The following TAGAP variants were observed in gnomAD, a reference collection of about 807,000 sequenced individuals.
The protein encoded by TAGAP is T-cell activation Rho GTPase-activating protein.
A neutral mutation model predicts 36.0 loss-of-function variants in TAGAP; 16 were observed. That is an observed-to-expected ratio of 0.44 (90% CI 0.30 to 0.68). The LOEUF is 0.68. TAGAP is among the 30% of genes least tolerant of loss of function. The pLI is 0.09. For synonymous variants in TAGAP, 372 were observed against 377.4 expected (o/e 0.99, Z 0.17); for missense variants, 794 against 921.5 (o/e 0.86, Z 1.79).
intron 4 of TAGAP, chr6:159,043,085 T>G (rs1229147382): frequency 1.9e-5 from 3 of 154,064 alleles, no homozygotes; most frequent in Non-Finnish European, 4.3e-5. Flanking sequence ...CATTTCAGAT[T>G]GGCAAGTGGA....
At chr6:159,042,305 C>A in intron 4 of TAGAP, 61 bp from the exon 5 acceptor site, 3 of 1,555,136 alleles carry the variant, frequency 1.9e-6, no homozygotes, top group Non-Finnish European at 2.6e-6. Flanking sequence ...AAGCAAAGAT[C>A]CAGGTAAGAA....
rs758985082 is a variant in TAGAP, at chr6:159,036,860, A to C, written c.1163T>G (p.Leu388Arg). The C allele has an allele frequency of 6.2e-7, 1 of 1,614,130 alleles. No individual in the cohort carries two copies. Among genetic ancestry groups the C allele is most frequent in the South Asian group, 1.1e-5 (1 of 91,078 alleles). The change falls in exon 10 of 10, where the codon CTC becomes CGC. Residue 388 changes from leucine to arginine, a missense_variant. Physicochemically the swap from Leu to Arg is moderately radical, Grantham distance 102 (BLOSUM62 -2). Coordinates refer to ENST00000367066, the MANE Select transcript of TAGAP (RefSeq NM_054114.5). This position sits in a 1 kb window ranked among gnomAD's most constrained non-coding sequence, Gnocchi z 4.9. ...TGTTTGGTTTGTCACCCGGCTCTCGAGGCACTCCTGGGAGGATGGCATGCT... is the reference window on the plus strand; with the variant it reads ...TGTTTGGTTTGTCACCCGGCTCTCGCGGCACTCCTGGGAGGATGGCATGCT... Reference protein sequence around the residue: ...EPSMPSSQECLESRVTNQTLT... With the variant: ...EPSMPSSQECRESRVTNQTLT...
In TAGAP at chr6:159,035,234, C is replaced by T. The variant is rs4709266; in HGVS notation, c.*593G>A. ...GAAGTGTTTTTCATGATTTTTGCTACGGCCCCAGCTTTTACTGGAGTTTTT... is the reference window on the plus strand; with the variant it reads ...GAAGTGTTTTTCATGATTTTTGCTATGGCCCCAGCTTTTACTGGAGTTTTT... On this transcript the variant is annotated 3_prime_UTR_variant, in exon 10 of 10. Transcript: ENST00000367066. 23,151 of 152,302 alleles carry T rather than the reference C, an allele frequency of 0.15. 2,286 individuals carry two copies. Among genetic ancestry groups the T allele is most frequent in the East Asian group, 0.4 (2,101 of 5,308 alleles). The allele number at this position is 152,302 out of a possible 1,614,324, so 9.4% of individuals were successfully genotyped here.
rs144298648 is a variant in TAGAP, at chr6:159,041,450, G to A, written c.381C>T (p.Asn127=). The A allele has an allele frequency of 2.1e-4, 331 of 1,614,168 alleles. No individual in the cohort carries two copies. The highest frequency in any genetic ancestry group is 2.3e-4 in the Non-Finnish European group (271 of 1,180,024). ...STEGIFRRAA[N]EKARKELKEE... ...CCTTCAGCTCCTTACGGGCTTTCTCGTTGGCTGCTCTCCTGAATATCCCTT... is the reference window on the plus strand; with the variant it reads ...CCTTCAGCTCCTTACGGGCTTTCTCATTGGCTGCTCTCCTGAATATCCCTT... The change falls in exon 6 of 10, where the codon AAC becomes AAT. Residue 127 remains asparagine (N), a synonymous_variant. Transcript: ENST00000367066. This position sits in a 1 kb window ranked among gnomAD's most constrained non-coding sequence, Gnocchi z 4.1.
In TAGAP at chr6:159,036,919, G is replaced by A. The variant is rs143036639; in HGVS notation, c.1104C>T (p.Ser368=). Residue 368 remains serine, a synonymous_variant, in exon 10 of 10, where the codon TCC becomes TCT. Transcript: ENST00000367066. The surrounding 1 kb of genome is among the most constrained non-coding windows in gnomAD (Gnocchi z 4.9). ...IVSTVARLKS[S]LAQPDRRYSE... ...AGTATCTCCTATCGGGCTGTGCGAGGGAGCTTTTCAGCCTGGCCACGGTGC... is the reference window on the plus strand; with the variant it reads ...AGTATCTCCTATCGGGCTGTGCGAGAGAGCTTTTCAGCCTGGCCACGGTGC... 1.0e-4 allele frequency: 167 copies of A among 1,613,780 alleles called. No individual in the cohort carries two copies. The highest frequency in any genetic ancestry group is 2.3e-4 in the Admixed American group (14 of 60,008).
At chr6:159,040,350 A>G (rs1779701776) in intron 7 of TAGAP, among the ~76,000 whole-genome samples, 2 of 152,192 alleles carry the variant, frequency 1.3e-5, no homozygotes, top group African/African-American at 4.8e-5. Context: ...GACACCAGTC[A>G]GTGTAGCTTA....
intron 4 of TAGAP, among the ~76,000 whole-genome samples, chr6:159,043,283 GAC>G (rs1779820027): frequency 6.6e-6 from 1 of 152,220 alleles, no homozygotes; most frequent in Admixed American, 6.5e-5. Context: ...AAATGGAAAA[GAC>G]ACTGTGTGTT....
chr6:159,038,356 T>C, intron 8 of TAGAP, 128 bp from the exon 9 acceptor site: 7 of 583,756 alleles, frequency 1.2e-5, no homozygotes, highest in Non-Finnish European at 2.1e-5. Flanking sequence ...TTTATGTGTC[T>C]GAAAAGAGCA....
At chr6:159,043,362 C>G (rs923797388) in intron 4 of TAGAP, among the ~76,000 whole-genome samples, 1 of 152,218 alleles carries the variant, frequency 6.6e-6, no homozygotes, top group Non-Finnish European at 1.5e-5. Flanking sequence ...ATTAAAAACG[C>G]TTGGCAGAAC....
Position 159,040,713 on chromosome 6 carries a change from G to T in TAGAP, c.587+10C>A. On this transcript the variant is annotated intron_variant, in intron 7 of 9. Coordinates refer to ENST00000367066, the MANE Select transcript of TAGAP (RefSeq NM_054114.5). ...TGGCCTGGCAATGACCGATGACTTT[G>T]ATGACTTACTGTTTCAGGGCCTCGA... 6.2e-7 allele frequency: 1 copy of T among 1,611,214 alleles called. No individual in the cohort carries two copies. Among genetic ancestry groups the T allele is most frequent in the Admixed American group, 1.7e-5 (1 of 59,990 alleles).
rs964142051 is a variant in TAGAP at position 159,044,210 on chromosome 6, A to G, written c.-58-6T>C. The G allele has an allele frequency of 3.9e-5, 62 of 1,573,424 alleles. No individual in the cohort carries two copies. Among genetic ancestry groups the G allele is most frequent in the African/African-American group, 8.2e-5 (6 of 72,736 alleles). On this transcript the variant is annotated splice_polypyrimidine_tract_variant and splice_region_variant and intron_variant, in intron 1 of 9. Transcript: ENST00000367066. ...CCGTGTGGCTGTGCCTCTGTCTACAACGAATCACATGGAAAGGAGTTAGGA... is the reference window on the plus strand; with the variant it reads ...CCGTGTGGCTGTGCCTCTGTCTACAGCGAATCACATGGAAAGGAGTTAGGA...
chr6:159,041,846 C>CG lies in TAGAP; in HGVS notation c.315+231dup. On this transcript the variant is annotated intron_variant, in intron 5 of 9. Transcript: ENST00000367066. This position sits in a 1 kb window ranked among gnomAD's most constrained non-coding sequence, Gnocchi z 4.1. ...CCACTCTGTGAAGTCAGAGGAATGG[C>CG]GGGACCATAGCTCTGAGCTCATTGG... is the stretch of plus-strand genomic sequence containing the variant. 1 of 568,044 alleles carries CG rather than the reference C, an allele frequency of 1.8e-6. No individual in the cohort carries two copies. The highest frequency in any genetic ancestry group is 3.1e-6 in the Non-Finnish European group (1 of 327,410). 35.2% of individuals were successfully genotyped at this position (568,044 alleles called of 1,614,324 possible).
rs1475582290 is a variant in TAGAP, at chr6:159,038,578, C to T, written c.784-350G>A. ...TAATTTTTTCTATTTTTAGTGGAGACGGGGTTTTGTCATGTTGCCCAGGCT... is the reference window on the plus strand; with the variant it reads ...TAATTTTTTCTATTTTTAGTGGAGATGGGGTTTTGTCATGTTGCCCAGGCT... On this transcript the variant is annotated intron_variant, in intron 8 of 9. Transcript: ENST00000367066. 4.6e-5 allele frequency among the ~76,000 whole-genome samples: 7 copies of T among 151,772 alleles called. 1 individual carries two copies. Among genetic ancestry groups the T allele is most frequent in the East Asian group, 1.9e-4 (1 of 5,170 alleles).
At position 159,041,644 on chromosome 6, in the gene TAGAP, C is replaced by G. The variant is rs1026371703; in HGVS notation, c.316-129G>C. ...GTTGCTGTCAATGGCCTTCCTCAACCCTGCTATTTTTCTAAGAGGAGGCAA... is the reference window on the plus strand; with the variant it reads ...GTTGCTGTCAATGGCCTTCCTCAACGCTGCTATTTTTCTAAGAGGAGGCAA... On this transcript the variant is annotated intron_variant, in intron 5 of 9. Coordinates refer to ENST00000367066, the MANE Select transcript of TAGAP (RefSeq NM_054114.5). The surrounding 1 kb of genome is among the most constrained non-coding windows in gnomAD (Gnocchi z 4.1). The G allele has an allele frequency of 1.8e-6, 2 of 1,082,754 alleles. No homozygotes were observed. Among genetic ancestry groups the G allele is most frequent in the Non-Finnish European group, 2.5e-6 (2 of 788,876 alleles). 67.1% of individuals were successfully genotyped at this position (1,082,754 alleles called of 1,614,324 possible). A position where few individuals can be genotyped will look rare whatever the true frequency, so the allele number is the denominator to read the frequency against.
In TAGAP at chr6:159,036,954, G is replaced by T. The variant is rs764199475; in HGVS notation, c.1069C>A (p.Pro357Thr). ...AGCCTGGCCACGGTGCTCACAATGG[G>T]CTCTGGGCTGACCTCTCGGGCATCC... ...PQDAREVSPE[P>T]IVSTVARLKS... Residue 357 changes from proline to threonine, a missense_variant, in exon 10 of 10, where the codon CCC becomes ACC. Physicochemically the swap from Pro to Thr is conservative, Grantham distance 38 (BLOSUM62 -1). Transcript: ENST00000367066. The surrounding 1 kb of genome is among the most constrained non-coding windows in gnomAD (Gnocchi z 4.9). The T allele has an allele frequency of 1.2e-5, 19 of 1,613,754 alleles. No homozygotes were observed. Among genetic ancestry groups the T allele is most frequent in the Non-Finnish European group, 1.6e-5 (19 of 1,179,922 alleles).
Position 159,044,132 on chromosome 6 carries a change from G to C in TAGAP, c.15C>G (p.Ser5Arg). The C allele has an allele frequency of 6.2e-7, 1 of 1,613,756 alleles. No individual in the cohort carries two copies. The highest frequency in any genetic ancestry group is 8.5e-7 in the Non-Finnish European group (1 of 1,179,942). The stretch of plus-strand genomic sequence containing the variant: ...GAGGGGCACTCACAGCATTGTGGCT[G>C]CTTCTCAGCTTCATCAGTATTGCGG... MKLR[S>R]SHNASKTLNA... is the part of the protein sequence containing the mutation. Residue 5 changes from serine (S) to arginine (R), a missense_variant, in exon 2 of 10, where the codon AGC (serine) becomes AGG (arginine). Ser to Arg is a moderately radical substitution (Grantham distance 110). Transcript: ENST00000367066.
rs763437025 is a variant in TAGAP at position 159,036,315 on chromosome 6, A to G, written c.1708T>C (p.Cys570Arg). Residue 570 changes from cysteine to arginine, a missense_variant, in exon 10 of 10, where the codon TGC becomes CGC. Coordinates refer to ENST00000367066, the MANE Select transcript of TAGAP (RefSeq NM_054114.5). This position sits in a 1 kb window ranked among gnomAD's most constrained non-coding sequence, Gnocchi z 4.9. ...ETHNQTARGF[C>R]LRPHALSVDD... ...ACCGAGAGGGCGTGGGGTCTCAGGCAGAAGCCGCGGGCTGTTTGGTTGTGG... is the reference window on the plus strand; with the variant it reads ...ACCGAGAGGGCGTGGGGTCTCAGGCGGAAGCCGCGGGCTGTTTGGTTGTGG... The G allele has an allele frequency of 4.3e-6, 7 of 1,613,260 alleles. No homozygotes were observed. The Admixed American group carries it at 1.2e-4, about 27-fold the overall frequency.
chr6:159,036,039 G>A lies in TAGAP; in HGVS notation c.1984C>T (p.Pro662Ser), dbSNP rs1419113840. The A allele has an allele frequency of 6.2e-7, 1 of 1,612,002 alleles. No individual in the cohort carries two copies. Among genetic ancestry groups the A allele is most frequent in the Non-Finnish European group, 8.5e-7 (1 of 1,178,270 alleles). ...KEPLPGHGLS[P>S]LPERWKQSRT... is the part of the protein sequence containing the mutation. ...CTCTGTTTCCATCGCTCAGGCAGGG[G>A]AGAGAGTCCGTGGCCAGGGAGTGGC... Residue 662 changes from proline to serine, a missense_variant, in exon 10 of 10, where the codon CCC (proline) becomes TCC (serine). Coordinates refer to ENST00000367066, the MANE Select transcript of TAGAP (RefSeq NM_054114.5). The surrounding 1 kb of genome is among the most constrained non-coding windows in gnomAD (Gnocchi z 4.9).
In TAGAP at chr6:159,044,186, C is replaced by T. The variant is rs539716295; in HGVS notation, c.-40G>A. The stretch of plus-strand genomic sequence containing the variant: ...ACTGTCCAGGGGTGGATTTCACTCC[C>T]GTGTGGCTGTGCCTCTGTCTACAAC... On this transcript the variant is annotated 5_prime_UTR_variant, in exon 2 of 10. Transcript: ENST00000367066. 23 of 1,606,044 alleles carry T rather than the reference C, an allele frequency of 1.4e-5. No homozygotes were observed. In the East Asian group the frequency reaches 2.5e-4, roughly 17 times the overall value.
Sources: gnomAD v4.1 joint callset for allele counts (sites outside exome capture counted in the v4.1 genomes callset) on GRCh38, gnomAD v4.1.1 for gene constraint, Gnocchi (gnomAD v3.1) non-coding constraint, MANE v1.5 for transcripts, NCBI Gene and HGNC (gene_info 2026-07-23, HGNC 2026-07-21) for gene names.